PZP: variants seen among roughly 807,000 people sequenced by gnomAD.
The protein encoded by PZP is pregnancy zone protein.
Under a neutral mutation model 179.8 loss-of-function variants are expected in PZP, and 150 were observed. That is an observed-to-expected ratio of 0.83 (90% CI 0.73 to 0.96). The LOEUF (loss-of-function observed/expected upper bound fraction) is 0.96, where lower values mean the gene tolerates loss of function less well. Among genes scored for constraint, PZP ranks in the 40% least tolerant of loss-of-function variants. The pLI, the probability that PZP is intolerant of heterozygous loss-of-function variation, is 0.00. For missense variants in PZP, 1,689 were observed against 1,764.0 expected, an observed-to-expected ratio of 0.96 and a Z score of 0.76; for synonymous variants, 624 against 652.3, an observed-to-expected ratio of 0.96 and a Z score of 0.66.
At chr12:9,163,576 T>G in intron 21 of PZP, 92 bp downstream of exon 21, 4 of 1,403,564 alleles carry the variant, frequency 2.8e-6, no homozygotes, top group Non-Finnish European at 2.9e-6. Context: ...ATGTATTGTG[T>G]GAGCATGATA....
rs112667658 is a variant in PZP, at chr12:9,149,409, G to A, written c.4426+152C>T. 2.9e-5 allele frequency: 20 copies of A among 681,932 alleles called. No individual in the cohort carries two copies. In the South Asian group the frequency reaches 3.4e-4, roughly 12 times the overall value. The allele number at this position is 681,932 out of a possible 1,614,324, so 42.2% of individuals were successfully genotyped here. On this transcript the variant is annotated intron_variant, in intron 35 of 35. Coordinates refer to ENST00000261336, the MANE Select transcript of PZP (RefSeq NM_002864.3). ...AATTGGAGAGTCCGCTACAGAATAG[G>A]CATGCTACGCCACAGTTTTGTCTTG...
Position 9,157,819 on chromosome 12 carries a change from G to T in PZP, c.3317C>A (p.Thr1106Asn). The change falls in exon 27 of 36, where the codon ACC becomes AAC. Residue 1106 changes from threonine (T) to asparagine (N), a missense_variant. Physicochemically the swap from Thr to Asn is moderately conservative, Grantham distance 65. This residue lies in a region of PZP where 746 missense variants were observed against 749.2 expected (regional missense o/e 1.00). Coordinates refer to ENST00000261336, the MANE Select transcript of PZP (RefSeq NM_002864.3). ...GGCAATAGTAACATAGGCGGAGAGG[G>T]TCGCTTCATCTTCTACACCTCCCTG... ...AIKGGVEDEA[T>N]LSAYVTIALL... 6.2e-7 allele frequency: 1 copy of T among 1,614,046 alleles called. No homozygotes were observed. Among genetic ancestry groups the T allele is most frequent in the Middle Eastern group, 1.6e-4 (1 of 6,062 alleles).
chr12:9,154,457 T>G (rs892714022), intron 29 of PZP, among the ~76,000 whole-genome samples, 159 bp downstream of exon 29: 4 of 152,196 alleles, frequency 2.6e-5, no homozygotes, highest in African/African-American at 4.8e-5. Flanking sequence ...ATGGGGGATG[T>G]CTTAAGTCTT....
At chr12:9,172,714 A>C (rs1297016863) in intron 15 of PZP, among the ~76,000 whole-genome samples, 1 of 152,234 alleles carries the variant, frequency 6.6e-6, no homozygotes, top group Non-Finnish European at 1.5e-5. Context: ...ACCAACAAAG[A>C]TCAAACAAAC....
At chr12:9,185,800 T>TTTTC (rs1018955392) in intron 13 of PZP, among the ~76,000 whole-genome samples, 14 of 147,874 alleles carry the variant, frequency 9.5e-5, no homozygotes, top group East Asian at 2.0e-4. Context: ...ATTTCTTTTC[T>TTTTC]TTTCTTTTCT....
Position 9,181,085 on chromosome 12 carries a change from G to A in PZP, c.1737C>T (p.Ala579=), listed in dbSNP as rs1404088461. ...SPAQSPPASH[A]HLQVAAAPQS... ...GCGGAGCAGCTGCTACTTGCAGGTG[G>A]GCATGTGAGGCTGGGGGACTTTGTG... Residue 579 remains alanine (A), a synonymous_variant, in exon 15 of 36, where the codon GCC becomes GCT. Coordinates refer to ENST00000261336, the MANE Select transcript of PZP (RefSeq NM_002864.3). 6.2e-7 allele frequency: 1 copy of A among 1,614,130 alleles called. No individual in the cohort carries two copies. The highest frequency in any genetic ancestry group is 8.5e-7 in the Non-Finnish European group (1 of 1,179,998).
chr12:9,154,944 G>A, intron 28 of PZP, 105 bp from the exon 29 acceptor site: 1 of 1,123,112 alleles, frequency 8.9e-7, no homozygotes, highest in South Asian at 1.6e-5. Flanking sequence ...AAATAATACA[G>A]GAGAAGCAAG....
At chr12:9,152,368 C>A in intron 31 of PZP, 58 bp from the exon 32 acceptor site, 1 of 1,303,670 alleles carries the variant, frequency 7.7e-7, no homozygotes, top group East Asian at 2.3e-5. Context: ...AGCCAAATTT[C>A]TGCTTTCAAG....
rs1592431613 is a variant in PZP, at chr12:9,148,918, C to T, written c.*54G>A. The T allele has an allele frequency of 2.0e-6, 3 of 1,479,540 alleles. No homozygotes were observed. Among genetic ancestry groups the T allele is most frequent in the East Asian group, 4.5e-5 (2 of 44,176 alleles). The allele number at this position is 1,479,540 out of a possible 1,614,324, so 91.7% of individuals were successfully genotyped here. A position where few individuals can be genotyped will look rare whatever the true frequency, so the allele number is the denominator to read the frequency against. ...ATAGAGACAAATAACTCCATTCCTT[C>T]TAAGTAAATGTATAGGACAGAGAAT... On this transcript the variant is annotated 3_prime_UTR_variant, in exon 36 of 36. Coordinates refer to ENST00000261336, the MANE Select transcript of PZP (RefSeq NM_002864.3).
intron 28 of PZP, among the ~76,000 whole-genome samples, chr12:9,155,508 TTG>T (rs869213770): frequency 6.6e-6 from 1 of 152,176 alleles, no homozygotes; most frequent in African/African-American, 2.4e-5. Context: ...GTTGTTGTTG[TTG>T]TTTTTGTACT....
chr12:9,200,315 C>T, intron 7 of PZP, 49 bp downstream of exon 7: 3 of 1,404,454 alleles, frequency 2.1e-6, no homozygotes, highest in Non-Finnish European at 2.0e-6. Context: ...CATAATCCCT[C>T]AAAATTGAGG....
Position 9,162,651 on chromosome 12 carries a change from T to TGAAA in PZP, c.2737-4_2737-3insTTTC, listed in dbSNP as rs1941289054. On this transcript the variant is annotated splice_polypyrimidine_tract_variant and splice_region_variant and intron_variant, in intron 21 of 35. Coordinates refer to ENST00000261336, the MANE Select transcript of PZP (RefSeq NM_002864.3). ...TTTTCTTGCTCAATACCTTCAGCCT[T>TGAAA]GGATGAAAGGAAAGAAAAGGAGAAA... is the stretch of plus-strand genomic sequence containing the variant. 6.3e-7 allele frequency: 1 copy of TGAAA among 1,587,132 alleles called. No individual in the cohort carries two copies. The highest frequency in any genetic ancestry group is 1.7e-5 in the Admixed American group (1 of 59,534).
chr12:9,139,133 T>C, the PZP span, among the ~76,000 whole-genome samples: 1 of 152,152 alleles, frequency 6.6e-6, no homozygotes, highest in Non-Finnish European at 1.5e-5. Context: ...TATTTTTGTT[T>C]TCATTTGTAT....
At position 9,158,584 on chromosome 12, in the gene PZP, G is replaced by T; in HGVS notation, c.3138-8C>A. The T allele has an allele frequency of 6.2e-7, 1 of 1,613,604 alleles. No individual in the cohort carries two copies. Among genetic ancestry groups the T allele is most frequent in the Admixed American group, 1.7e-5 (1 of 59,966 alleles). On this transcript the variant is annotated splice_polypyrimidine_tract_variant and splice_region_variant and intron_variant, in intron 25 of 35. Transcript: ENST00000261336. Reference sequence around the variant, plus strand: ...AGTACAAAAGCTGTGAGCCTAGGGGGAGGAAAAATGCAGTGCTGAGGCTCT... The same window carrying T: ...AGTACAAAAGCTGTGAGCCTAGGGGTAGGAAAAATGCAGTGCTGAGGCTCT...
intron 17 of PZP, chr12:9,167,577 C>G (rs1047905459): frequency 6.6e-6 from 1 of 152,172 alleles, no homozygotes; most frequent in African/African-American, 2.4e-5. Flanking sequence ...TCATTGTTCT[C>G]TGTAGTCATG....
chr12:9,199,636 T>C (rs1944035790), intron 7 of PZP, among the ~76,000 whole-genome samples: 1 of 152,112 alleles, frequency 6.6e-6, no homozygotes. Context: ...CAACTGATGA[T>C]CTTCAGCGAA....
rs1286482781 is a variant in PZP, at chr12:9,152,829, G to C, written c.4116C>G (p.Thr1372=). 6.2e-7 allele frequency: 1 copy of C among 1,613,994 alleles called. No individual in the cohort carries two copies. Among genetic ancestry groups the C allele is most frequent in the Admixed American group, 1.7e-5 (1 of 60,006 alleles). The part of the protein sequence containing the change: ...KAHTSFQISL[T]ISYTGNRPAS... ...ATTAGGTTAGAACGTCTTACCTGAT[G>C]GTCAGTGAGATCTGAAAGCTGGTGT... The change falls in exon 31 of 36, where the codon ACC becomes ACG. Residue 1372 remains threonine, a synonymous_variant. Coordinates refer to ENST00000261336, the MANE Select transcript of PZP (RefSeq NM_002864.3).
At position 9,170,604 on chromosome 12, in the gene PZP, A is replaced by G. The variant is rs778468176; in HGVS notation, c.1840-1013T>C. 6.6e-6 allele frequency among the ~76,000 whole-genome samples: 1 copy of G among 152,270 alleles called. No homozygotes were observed. Among genetic ancestry groups the G allele is most frequent in the South Asian group, 2.1e-4 (1 of 4,810 alleles). ...ACCTGAGATGGACCTGAGTTCCTGC[A>G]GGGAGAGGTGGGTGCCATCTCTGTG... On this transcript the variant is annotated intron_variant, in intron 15 of 35. Coordinates refer to ENST00000261336, the MANE Select transcript of PZP (RefSeq NM_002864.3). The surrounding 1 kb of genome is among the most constrained non-coding windows in gnomAD (Gnocchi z 4.6).
At chr12:9,143,478 A>G in the PZP span, among the ~76,000 whole-genome samples, 2 of 152,184 alleles carry the variant, frequency 1.3e-5, no homozygotes, top group Middle Eastern at 3.4e-3. Context: ...TTTCAGAGGA[A>G]GGGGTTTAGA....
Sources: allele counts gnomAD v4.1 joint callset (sites outside exome capture counted in the v4.1 genomes callset), GRCh38; gene constraint gnomAD v4.1.1; regional missense constraint gnomAD v4.1.1; non-coding constraint Gnocchi (gnomAD v3.1); transcripts MANE v1.5; gene names NCBI Gene and HGNC (gene_info 2026-07-23, HGNC 2026-07-21).